Variants in RAB9B observed in about 807,000 individuals in gnomAD.
RAB9B encodes RAB9B, member RAS oncogene family, also known as ras-related protein Rab-9B.
RAB9B carries 1 observed loss-of-function variant against 8.9 expected under a neutral mutation model. That is an observed-to-expected ratio of 0.11 (90% CI 0.04 to 0.53). The LOEUF is 0.53. Among genes scored for constraint, RAB9B ranks in the 20% least tolerant of loss-of-function variants. The pLI is 0.93. For synonymous variants in RAB9B, 63 were observed against 57.0 expected, an observed-to-expected ratio of 1.10 and a Z score of -0.47; for missense variants, 82 against 152.9, an observed-to-expected ratio of 0.54 and a Z score of 2.45.
the RAB9B span, among the ~76,000 whole-genome samples, chrX:103,807,824 G>A: frequency 1.8e-5 from 2 of 112,004 alleles, no homozygotes; most frequent in African/African-American, 6.5e-5. Context: ...TGACCATGGT[G>A]CTCATCTGGG....
At chrX:103,790,813 G>C in the RAB9B span, 26 of 431,519 alleles carry the variant, frequency 6.0e-5, no homozygotes, top group South Asian at 9.1e-4. Flanking sequence ...TTCATAGCTG[G>C]TTCCTGCTAG....
chrX:103,786,312 G>T, the RAB9B span: 1 of 1,080,484 alleles, frequency 9.3e-7, no homozygotes. Flanking sequence ...AAGATAAGGT[G>T]AAAGCATGCA....
the RAB9B span, among the ~76,000 whole-genome samples, chrX:103,810,086 T>C: frequency 1.8e-5 from 2 of 110,984 alleles, no homozygotes; most frequent in Admixed American, 9.6e-5. Context: ...TGAGACACAA[T>C]AGAATTTTTT....
chrX:103,825,301 T>A lies in RAB9B; in HGVS notation c.484A>T (p.Thr162Ser). 1 of 1,211,727 alleles carries A rather than the reference T, an allele frequency of 8.3e-7. No individual in the cohort carries two copies. Among genetic ancestry groups the A allele is most frequent in the East Asian group, 3.0e-5 (1 of 33,850 alleles). The change falls in exon 3 of 3, where the codon ACA becomes TCA. Residue 162 changes from threonine (T) to serine (S), a missense_variant. Transcript: ENST00000243298. ...ETSAKDDTNV[T>S]VAFEEAVRQV... ...CTGACAGCTTCTTCAAAGGCCACTG[T>A]CACATTAGTATCATCTTTGGCACTA...
chrX:103,813,213 G>A, the RAB9B span, among the ~76,000 whole-genome samples: 8 of 110,085 alleles, frequency 7.3e-5, no homozygotes, highest in Admixed American at 4.9e-4. Context: ...GAGCCAGCAC[G>A]TCCAGCATCA....
the RAB9B span, chrX:103,788,906 C>T: frequency 3.7e-6 from 1 of 272,745 alleles, no homozygotes; most frequent in Non-Finnish European, 6.5e-6. Flanking sequence ...TTCTTTATCT[C>T]AAATGAGAGG....
At chrX:103,789,103 A>G in the RAB9B span, 1 of 442,343 alleles carries the variant, frequency 2.3e-6, no homozygotes, top group South Asian at 3.3e-5. Flanking sequence ...ATTTTGGAGT[A>G]CTGTACTATT....
At chrX:103,817,626 C>T (rs2074644537), downstream of RAB9B, among the ~76,000 whole-genome samples, 1 of 109,716 alleles carries the variant, frequency 9.1e-6, no homozygotes, top group African/African-American at 3.3e-5. Flanking sequence ...TATATGCACA[C>T]ATATATATAA....
chrX:103,825,894 A>G, intron 2 of RAB9B, 68 bp from the exon 3 acceptor site: 1 of 821,886 alleles, frequency 1.2e-6, no homozygotes, highest in Non-Finnish European at 1.7e-6. Context: ...TTCATAGCAA[A>G]TTTCTCTGAA....
At chrX:103,797,934 C>T in the RAB9B span, among the ~76,000 whole-genome samples, 3 of 111,300 alleles carry the variant, frequency 2.7e-5, no homozygotes. Context: ...ATGAGTAAAA[C>T]ATGTTGGAGC....
the RAB9B span, among the ~76,000 whole-genome samples, chrX:103,797,151 C>T: frequency 9.4e-5 from 10 of 105,932 alleles, no homozygotes; most frequent in African/African-American, 1.7e-4. Context: ...GCAGTGGCAC[C>T]GTCTCGGTTC....
At chrX:103,797,087 CTTTTT>C in the RAB9B span, among the ~76,000 whole-genome samples, 2 of 84,654 alleles carry the variant, frequency 2.4e-5, no homozygotes, top group Non-Finnish European at 2.3e-5. Flanking sequence ...GGAAAGAGAC[CTTTTT>C]TTTTTTTTTT....
At chrX:103,806,472 T>C in the RAB9B span, among the ~76,000 whole-genome samples, 69 of 111,882 alleles carry the variant, frequency 6.2e-4, no homozygotes, top group Admixed American at 2.2e-3. Context: ...TTAGATAATG[T>C]AAATCTTTTA....
the RAB9B span, among the ~76,000 whole-genome samples, chrX:103,798,635 C>A: frequency 2.8e-5 from 3 of 108,923 alleles, no homozygotes; most frequent in African/African-American, 1.0e-4. Context: ...GTGGCCCTTG[C>A]AAACTACAAT....
the RAB9B span, among the ~76,000 whole-genome samples, chrX:103,802,800 C>T: frequency 9.0e-6 from 1 of 110,866 alleles, no homozygotes; most frequent in East Asian, 2.8e-4. Flanking sequence ...AAGATCCATA[C>T]CCACTAGCAA....
At chrX:103,788,383 G>A in the RAB9B span, 1 of 881,827 alleles carries the variant, frequency 1.1e-6, no homozygotes, top group African/African-American at 2.0e-5. Context: ...AAGTCTCCAT[G>A]TGGCCCCGTA....
the RAB9B span, among the ~76,000 whole-genome samples, chrX:103,812,948 T>A: frequency 2.9e-5 from 3 of 103,461 alleles, no homozygotes; most frequent in Admixed American, 3.1e-4. Flanking sequence ...AATTTTTAAA[T>A]TTTTTTTTTT....
chrX:103,786,529 C>A, the RAB9B span: 1 of 1,209,125 alleles, frequency 8.3e-7, no homozygotes, highest in Admixed American at 2.2e-5. Flanking sequence ...TGGGGCCCTC[C>A]TGCTGGCTGA....
At chrX:103,784,591 C>T in the RAB9B span, among the ~76,000 whole-genome samples, 2 of 112,098 alleles carry the variant, frequency 1.8e-5, no homozygotes, top group East Asian at 5.6e-4. Flanking sequence ...CAAATACACA[C>T]GATGCTCAAA....
Sources: gnomAD v4.1 joint callset for allele counts (sites outside exome capture counted in the v4.1 genomes callset) on GRCh38, gnomAD v4.1.1 for gene constraint, MANE v1.5 for transcripts, NCBI Gene and HGNC (gene_info 2026-07-23, HGNC 2026-07-21) for gene names.